Variants in BLM observed in about 807,000 individuals in gnomAD.
BLM encodes recQ-like DNA helicase BLM.
Under a neutral mutation model 135.3 loss-of-function variants are expected in BLM, and 95 were observed. The observed-to-expected ratio is 0.70, with a 90% confidence interval of 0.59 to 0.83. The LOEUF (loss-of-function observed/expected upper bound fraction) is 0.83. Ranked by LOEUF, BLM falls within the 40% of genes least tolerant of loss-of-function variation. BLM has a pLI of 0.00. For missense variants in BLM, 1,518 were observed against 1,663.9 expected, an observed-to-expected ratio of 0.91 and a Z score of 1.53; for synonymous variants, 520 against 589.2, an observed-to-expected ratio of 0.88 and a Z score of 1.70.
chr15:90,752,094 T>G, intron 4 of BLM, 148 bp downstream of exon 4: 1 of 761,456 alleles, frequency 1.3e-6, no homozygotes, highest in Non-Finnish European at 2.0e-6. Flanking sequence ...AAAAAAACCC[T>G]GTTTATACAT....
intron 1 of BLM, among the ~76,000 whole-genome samples, chr15:90,743,727 G>A (rs1317629590): frequency 1.3e-5 from 2 of 152,074 alleles, no homozygotes; most frequent in African/African-American, 2.4e-5. Flanking sequence ...CAATTGTATC[G>A]ATATTTTGAT....
chr15:90,749,268 A>G, intron 2 of BLM, 99 bp from the exon 3 acceptor site: 3 of 821,980 alleles, frequency 3.6e-6, no homozygotes, highest in Non-Finnish European at 5.8e-6. Context: ...GGATACAATT[A>G]ATGTAACCTG....
chr15:90,751,986 G>T (rs1206866327), intron 4 of BLM, 40 bp downstream of exon 4: 5 of 1,528,018 alleles, frequency 3.3e-6, no homozygotes, highest in East Asian at 4.5e-5. Flanking sequence ...TTTGTTTCTG[G>T]GATACTTTAA....
chr15:90,756,165 A>G lies in BLM; in HGVS notation c.1087+1227A>G, dbSNP rs368418743. Among the ~76,000 whole-genome samples, 8 of 150,734 alleles carry G rather than the reference A, an allele frequency of 5.3e-5. No individual in the cohort carries two copies. In the East Asian group the frequency reaches 9.7e-4, roughly 18 times the overall value. On this transcript the variant is annotated intron_variant, in intron 5 of 21. Transcript: ENST00000355112. ...GTCACCCAGGCTGGAGTGCAGTGGC[A>G]CAACCTCAGCTCACTGCAGCCTCCG...
chr15:90,747,446 C>T lies in BLM; in HGVS notation c.54C>T (p.Ala18=). The T allele has an allele frequency of 6.2e-7, 1 of 1,611,364 alleles. No individual in the cohort carries two copies. The highest frequency in any genetic ancestry group is 8.5e-7 in the Non-Finnish European group (1 of 1,178,502). Residue 18 remains alanine (A), a synonymous_variant, in exon 2 of 22, where the codon GCC becomes GCT. Coordinates refer to ENST00000355112, the MANE Select transcript of BLM (RefSeq NM_000057.4). ...NLQEQLERHS[A]RTLNNKLSLS... is the part of the protein sequence containing the mutation. ...AGGAGCAACTAGAACGTCACTCAGC[C>T]AGAACACTTAATAATAAATTAAGTC...
intron 12 of BLM, among the ~76,000 whole-genome samples, chr15:90,771,453 C>T (rs896559495): frequency 2.0e-5 from 3 of 152,046 alleles, no homozygotes; most frequent in African/African-American, 7.2e-5. Flanking sequence ...CGCCACTGTA[C>T]TCCAGCCTGG....
At chr15:90,766,423 TTTTTGTTTTG>T (rs879522725) in intron 9 of BLM, among the ~76,000 whole-genome samples, 1 of 152,120 alleles carries the variant, frequency 6.6e-6, no homozygotes, top group African/African-American at 2.4e-5. Flanking sequence ...GTTATGCTTT[TTTTTGTTTTG>T]TTTTGTTTTG....
intron 1 of BLM, among the ~76,000 whole-genome samples, chr15:90,741,337 A>G (rs1375128490): frequency 1.3e-5 from 2 of 152,064 alleles, no homozygotes; most frequent in Non-Finnish European, 2.9e-5. Flanking sequence ...TTTTTTGTCC[A>G]TATGGTACAC....
intron 12 of BLM, among the ~76,000 whole-genome samples, chr15:90,771,459 C>T (rs765676531): frequency 2.9e-4 from 44 of 152,080 alleles, no homozygotes; most frequent in Non-Finnish European, 5.4e-4. Flanking sequence ...TGTACTCCAG[C>T]CTGGGCAACA....
chr15:90,767,882 A>T (rs1896177724), intron 10 of BLM, among the ~76,000 whole-genome samples: 1 of 152,104 alleles, frequency 6.6e-6, no homozygotes, highest in African/African-American at 2.4e-5. Context: ...ATAGATATAA[A>T]ATTATTTTTT....
At chr15:90,794,067 T>C (rs1377912882) in intron 15 of BLM, 100 bp from the exon 16 acceptor site, 1 of 804,238 alleles carries the variant, frequency 1.2e-6, no homozygotes, top group Non-Finnish European at 1.9e-6. Flanking sequence ...AATTTTCTTA[T>C]TTAATATTTA....
intron 19 of BLM, among the ~76,000 whole-genome samples, chr15:90,806,238 C>G (rs1208630534): frequency 6.6e-6 from 1 of 151,824 alleles, no homozygotes; most frequent in East Asian, 1.9e-4. Context: ...GGGCTGGGGG[C>G]CGTGGCTCAC....
At position 90,794,230 on chromosome 15, in the gene BLM, A is replaced by G. The variant is rs1487267563; in HGVS notation, c.3083A>G (p.His1028Arg). Residue 1028 changes from histidine (H) to arginine (R), a missense_variant, in exon 16 of 22, where the codon CAT (histidine) becomes CGT (arginine). Physicochemically the swap from His to Arg is conservative, Grantham distance 29. This residue lies in a region of BLM where 626 missense variants were observed against 681.1 expected (regional missense o/e 0.92). Transcript: ENST00000355112. ...TTCAATAATTTGTATAGCATGGTAC[A>G]TTACTGTGAAAATATAACGGAATGC... is the stretch of plus-strand genomic sequence containing the variant. ...THFNNLYSMV[H>R]YCENITECRR... is the part of the protein sequence containing the mutation. 5.6e-6 allele frequency: 9 copies of G among 1,607,016 alleles called. No homozygotes were observed. In the South Asian group the frequency reaches 7.8e-5, roughly 14 times the overall value.
At chr15:90,777,906 A>T (rs1469176053) in intron 12 of BLM, among the ~76,000 whole-genome samples, 2 of 152,176 alleles carry the variant, frequency 1.3e-5, no homozygotes, top group African/African-American at 4.8e-5. Flanking sequence ...AGGGTCATCC[A>T]TGTTGTAGCA....
intron 1 of BLM, among the ~76,000 whole-genome samples, chr15:90,735,342 T>G (rs1049665922): frequency 1.6e-4 from 24 of 149,516 alleles, no homozygotes; most frequent in Non-Finnish European, 3.6e-4. Flanking sequence ...TCAACAGAGT[T>G]CTGGCACTAG....
chr15:90,784,812 A>C, intron 13 of BLM, 109 bp from the exon 14 acceptor site: 1 of 1,173,386 alleles, frequency 8.5e-7, no homozygotes, highest in Non-Finnish European at 1.2e-6. Context: ...GTATAAGAAC[A>C]CTACGGGAGA....
intron 1 of BLM, among the ~76,000 whole-genome samples, chr15:90,740,127 C>T (rs1204768516): frequency 6.6e-6 from 1 of 152,142 alleles, no homozygotes; most frequent in Non-Finnish European, 1.5e-5. Context: ...CTGTACAATC[C>T]AATGGCTTTG....
chr15:90,771,587 G>A (rs1896318035), intron 12 of BLM, among the ~76,000 whole-genome samples: 1 of 146,716 alleles, frequency 6.8e-6, no homozygotes, highest in Admixed American at 6.8e-5. Context: ...GTACTACATT[G>A]ATCTATAATT....
chr15:90,809,705 G>C (rs1897363925), intron 20 of BLM, among the ~76,000 whole-genome samples: 1 of 152,222 alleles, frequency 6.6e-6, no homozygotes, highest in African/African-American at 2.4e-5. Context: ...TTGGAGAAAT[G>C]AGCATGCAGC....
Sources: allele counts gnomAD v4.1 joint callset (sites outside exome capture counted in the v4.1 genomes callset), GRCh38; gene constraint gnomAD v4.1.1; regional missense constraint gnomAD v4.1.1; transcripts MANE v1.5; gene names NCBI Gene and HGNC (gene_info 2026-07-23, HGNC 2026-07-21).